Variants in TTC28 observed in about 807,000 individuals in gnomAD.
The protein encoded by TTC28 is tetratricopeptide repeat protein 28.
Under a neutral mutation model 198.0 loss-of-function variants are expected in TTC28, and 61 were observed. The observed-to-expected ratio is 0.31, with a 90% confidence interval of 0.25 to 0.38. TTC28 has a LOEUF of 0.38. Among genes scored for constraint, TTC28 ranks in the 10% least tolerant of loss-of-function variants. TTC28 has a pLI of 1.00. For synonymous variants in TTC28, 1,171 were observed against 1,297.8 expected (o/e 0.90, Z 2.10); for missense variants, 2,678 against 3,164.0 (o/e 0.85, Z 3.69).
intron 2 of TTC28, among the ~76,000 whole-genome samples, chr22:28,522,000 A>T (rs1278290164): frequency 1.3e-5 from 2 of 152,202 alleles, no homozygotes; most frequent in African/African-American, 4.8e-5. Context: ...AAAAAAGTGG[A>T]CTTCTCTAGA....
intron 5 of TTC28, among the ~76,000 whole-genome samples, chr22:28,191,301 G>C (rs998409555): frequency 6.6e-6 from 1 of 152,192 alleles, no homozygotes; most frequent in African/African-American, 2.4e-5. Context: ...AAAACAATTG[G>C]TTCAGAAATT....
At position 27,996,435 on chromosome 22, in the gene TTC28, C is replaced by A. The variant is rs1910188554; in HGVS notation, c.5120-176G>T. 4.8e-5 allele frequency: 38 copies of A among 785,732 alleles called. 1 individual carries two copies. The South Asian group carries it at 7.1e-4, about 15-fold the overall frequency. 48.7% of individuals were successfully genotyped at this position (785,732 alleles called of 1,614,324 possible). On this transcript the variant is annotated intron_variant, in intron 16 of 22. Coordinates refer to ENST00000397906, the MANE Select transcript of TTC28 (RefSeq NM_001145418.2). ...TGACTCACTGGATGGTGATGTGGCA[C>A]CCTTTTGTCCCCTTCCTTTTAAGAA...
intron 12 of TTC28, among the ~76,000 whole-genome samples, chr22:28,089,564 T>A (rs929881694): frequency 8.0e-5 from 12 of 150,078 alleles, no homozygotes; most frequent in Admixed American, 2.0e-4. Context: ...ACCTAATGCT[T>A]AATGACGAGT....
At position 28,391,797 on chromosome 22, in the gene TTC28, G is replaced by A. The variant is rs535351338; in HGVS notation, c.382-85154C>T. On this transcript the variant is annotated intron_variant, in intron 2 of 22. Coordinates refer to ENST00000397906, the MANE Select transcript of TTC28 (RefSeq NM_001145418.2). The stretch of plus-strand genomic sequence containing the variant: ...TTGCCTTTGATTTGAATTTCCTCCC[G>A]TAGCTCGGAGTAATTTGATCGTCTG... Among the ~76,000 whole-genome samples the A allele has an allele frequency of 1.3e-4, 20 of 152,052 alleles. 1 individual carries two copies. The highest frequency in any genetic ancestry group is 1.0e-3 in the South Asian group (5 of 4,810).
At chr22:28,103,201 C>G (rs1942204885) in intron 8 of TTC28, among the ~76,000 whole-genome samples, 1 of 152,200 alleles carries the variant, frequency 6.6e-6, no homozygotes, top group African/African-American at 2.4e-5. Context: ...AGGAACCTGA[C>G]TCACCCATCC....
intron 2 of TTC28, among the ~76,000 whole-genome samples, chr22:28,566,547 T>C (rs1159054201): frequency 6.6e-6 from 1 of 152,204 alleles, no homozygotes; most frequent in South Asian, 2.1e-4. Flanking sequence ...GAACTTTGAA[T>C]GCTCGAAGAG....
rs770168695 is a variant in TTC28, at chr22:28,107,158, G to A, written c.2687C>T (p.Ala896Val). ...TAAATATTGTTCATAGTATTTGATA[G>A]CTTCCTCATAGTCACCCAGGGCTTC... is the stretch of plus-strand genomic sequence containing the variant. ...CYEALGDYEEAIKYYEQYLSV... is the reference protein window; with the variant it reads ...CYEALGDYEEVIKYYEQYLSV... Residue 896 changes from alanine to valine, a missense_variant, in exon 7 of 23, where the codon GCT (alanine) becomes GTT (valine). By Grantham distance (64) the Ala-to-Val change is moderately conservative. This residue lies in a region of TTC28 where 775 missense variants were observed against 845.9 expected (regional missense o/e 0.92). Coordinates refer to ENST00000397906, the MANE Select transcript of TTC28 (RefSeq NM_001145418.2). 49 of 1,551,592 alleles carry A rather than the reference G, an allele frequency of 3.2e-5. No individual in the cohort carries two copies. Among genetic ancestry groups the A allele is most frequent in the Non-Finnish European group, 4.1e-5 (47 of 1,147,000 alleles).
Position 28,553,731 on chromosome 22 carries a change from C to T in TTC28, c.381+75821G>A, listed in dbSNP as rs1232522227. On this transcript the variant is annotated intron_variant, in intron 2 of 22. Coordinates refer to ENST00000397906, the MANE Select transcript of TTC28 (RefSeq NM_001145418.2). The stretch of plus-strand genomic sequence containing the variant: ...GGGTCAGCCCCCGCCAGGCCAACTG[C>T]CCCGTCCGGGAGGGAGGTGAGGGGG... 7.9e-5 allele frequency among the ~76,000 whole-genome samples: 12 copies of T among 151,676 alleles called. 1 individual carries two copies. Among genetic ancestry groups the T allele is most frequent in the African/African-American group, 2.9e-4 (12 of 41,370 alleles).
In TTC28 at chr22:28,094,260, G is replaced by GCACAGCCAACATTATA. The variant is rs1439852341; in HGVS notation, c.3767-31_3767-16dup. 28 of 1,537,266 alleles carry GCACAGCCAACATTATA rather than the reference G, an allele frequency of 1.8e-5. No homozygotes were observed. The South Asian group carries it at 2.6e-4, about 14-fold the overall frequency. ...CTTCACAATTCCTGAAGCAAAACAG[G>GCACAGCCAACATTATA]CACAGCCAACATTATACACAATTAG... is the stretch of plus-strand genomic sequence containing the variant. On this transcript the variant is annotated splice_polypyrimidine_tract_variant and intron_variant, in intron 11 of 22. Coordinates refer to ENST00000397906, the MANE Select transcript of TTC28 (RefSeq NM_001145418.2).
rs1428411396 is a variant in TTC28 at position 28,030,332 on chromosome 22, C to T, written c.3967G>A (p.Gly1323Arg). 6.4e-7 allele frequency: 1 copy of T among 1,551,830 alleles called. No individual in the cohort carries two copies. The highest frequency in any genetic ancestry group is 1.2e-5 in the South Asian group (1 of 84,054). ...CASSETESEAGDIMDQQFEEM... is the reference protein window; with the variant it reads ...CASSETESEARDIMDQQFEEM... ...TCAAATTGCTGGTCCATGATGTCTC[C>T]CGCTTCACTCTCTGTCTCACTGCTG... Residue 1323 changes from glycine (G) to arginine (R), a missense_variant, in exon 13 of 23, where the codon GGA becomes AGA. By Grantham distance (125) the Gly-to-Arg change is moderately radical. Transcript: ENST00000397906.
intron 6 of TTC28, among the ~76,000 whole-genome samples, chr22:28,141,212 C>T (rs1943325852): frequency 6.6e-6 from 1 of 152,152 alleles, no homozygotes; most frequent in Non-Finnish European, 1.5e-5. Flanking sequence ...GAAAATGTCC[C>T]AGCTGTCAGC....
In TTC28 at chr22:28,472,546, ATGTGTATGTGTGTGTG is replaced by A. The variant is rs1156989760; in HGVS notation, c.381+156990_381+157005del. Reference sequence around the variant, plus strand: ...TAGATTAATTTTTGACAAAAAGAAAATGTGTATGTGTGTGTGTGTGTGTGTGTGTGTGTGTGTGTGT... The same window carrying A: ...TAGATTAATTTTTGACAAAAAGAAAATGTGTGTGTGTGTGTGTGTGTGTGT... On this transcript the variant is annotated intron_variant, in intron 2 of 22. Coordinates refer to ENST00000397906, the MANE Select transcript of TTC28 (RefSeq NM_001145418.2). 2.0e-4 allele frequency among the ~76,000 whole-genome samples: 18 copies of A among 89,036 alleles called. No homozygotes were observed. The South Asian group carries it at 2.4e-3, about 12-fold the overall frequency. 58.4% of individuals were successfully genotyped at this position (89,036 alleles called of 152,430 possible).
intron 5 of TTC28, among the ~76,000 whole-genome samples, chr22:28,272,563 A>G (rs1932161082): frequency 6.6e-6 from 1 of 152,244 alleles, no homozygotes; most frequent in Non-Finnish European, 1.5e-5. Flanking sequence ...GAATCAAAAT[A>G]TTCATAAAAA....
chr22:28,661,378 AC>A (rs2051744733), intron 1 of TTC28, among the ~76,000 whole-genome samples: 1 of 152,236 alleles, frequency 6.6e-6, no homozygotes, highest in South Asian at 2.1e-4. Context: ...TATATCAGGT[AC>A]TACATTAAGT....
intron 2 of TTC28, among the ~76,000 whole-genome samples, chr22:28,500,402 G>C (rs2048520574): frequency 6.6e-6 from 1 of 152,062 alleles, no homozygotes; most frequent in African/African-American, 2.4e-5. Flanking sequence ...TAACCCTTAT[G>C]TTCATATGGC....
intron 2 of TTC28, among the ~76,000 whole-genome samples, chr22:28,335,412 G>T (rs2045694555): frequency 6.6e-6 from 1 of 152,168 alleles, no homozygotes; most frequent in Non-Finnish European, 1.5e-5. Context: ...GTAGCTTGAT[G>T]GGGATGGCAT....
At chr22:28,675,561 G>T (rs2051969204) in intron 1 of TTC28, among the ~76,000 whole-genome samples, 1 of 151,966 alleles carries the variant, frequency 6.6e-6, no homozygotes, top group South Asian at 2.1e-4. Context: ...AGACCAGCCT[G>T]GGCAACACGG....
intron 12 of TTC28, among the ~76,000 whole-genome samples, chr22:28,057,871 T>C: frequency 6.6e-6 from 1 of 152,124 alleles, no homozygotes; most frequent in East Asian, 1.9e-4. Flanking sequence ...CATTGTATTG[T>C]TTTGGTATCT....
chr22:28,123,930 CT>C (rs1393148476), intron 6 of TTC28, among the ~76,000 whole-genome samples: 2 of 152,134 alleles, frequency 1.3e-5, no homozygotes, highest in Non-Finnish European at 2.9e-5. Flanking sequence ...TTTCAGTGAG[CT>C]GAGATCACAC....
Sources: gnomAD v4.1 joint callset for allele counts (sites outside exome capture counted in the v4.1 genomes callset) on GRCh38, gnomAD v4.1.1 for gene constraint, gnomAD v4.1.1 regional missense constraint, MANE v1.5 for transcripts, NCBI Gene and HGNC (gene_info 2026-07-23, HGNC 2026-07-21) for gene names.